PHACTR1: variants seen among roughly 807,000 people sequenced by gnomAD.
PHACTR1 encodes phosphatase and actin regulator 1.
Under a neutral mutation model 69.2 loss-of-function variants are expected in PHACTR1, and 16 were observed. The observed-to-expected ratio is 0.23, with a 90% CI of 0.16 to 0.35. PHACTR1 has a LOEUF of 0.35. Among genes scored for constraint, PHACTR1 ranks in the 10% least tolerant of loss-of-function variants. The pLI, the probability that PHACTR1 is intolerant of heterozygous loss-of-function variation, is 1.00. For missense variants in PHACTR1, 510 were observed against 734.7 expected, an observed-to-expected ratio of 0.69 and a Z score of 3.54; for synonymous variants, 312 against 284.5, an observed-to-expected ratio of 1.10 and a Z score of -0.97.
At chr6:12,771,276 C>A (rs889269340) in intron 4 of PHACTR1, among the ~76,000 whole-genome samples, 12 of 152,006 alleles carry the variant, frequency 7.9e-5, no homozygotes, top group Admixed American at 7.9e-4. Flanking sequence ...AAACAATGAC[C>A]ATGAAGGATT....
intron 4 of PHACTR1, among the ~76,000 whole-genome samples, chr6:13,002,599 A>G (rs1014082481): frequency 9.9e-5 from 15 of 152,160 alleles, no homozygotes; most frequent in Non-Finnish European, 2.2e-4. Flanking sequence ...CTATTGGTTG[A>G]TCATGTGCAA....
intron 8 of PHACTR1, among the ~76,000 whole-genome samples, chr6:13,226,874 A>C (rs1769835623): frequency 6.6e-6 from 1 of 151,836 alleles, no homozygotes; most frequent in South Asian, 2.1e-4. Flanking sequence ...AGTAGCTGAG[A>C]CTACAGGTGC....
At chr6:12,979,677 G>A (rs527909820) in intron 4 of PHACTR1, among the ~76,000 whole-genome samples, 5 of 151,486 alleles carry the variant, frequency 3.3e-5, no homozygotes, top group African/African-American at 9.7e-5. Context: ...GTTTGTATGC[G>A]GAGGACCTCC....
At chr6:12,774,086 G>C (rs1308525712) in intron 4 of PHACTR1, among the ~76,000 whole-genome samples, 1 of 152,170 alleles carries the variant, frequency 6.6e-6, no homozygotes, top group Non-Finnish European at 1.5e-5. Context: ...AGGTCACAGA[G>C]TTAATAAAAT....
At chr6:13,272,494 G>A in intron 10 of PHACTR1, 2 of 344,600 alleles carry the variant, frequency 5.8e-6, no homozygotes, top group South Asian at 6.4e-5. Context: ...GAGGGAGAGA[G>A]AGGCAAGAGG....
intron 5 of PHACTR1, among the ~76,000 whole-genome samples, chr6:13,141,132 C>T (rs1263663735): frequency 6.6e-6 from 1 of 152,142 alleles, no homozygotes; most frequent in African/African-American, 2.4e-5. Flanking sequence ...TTTGCATTTG[C>T]CTTTGAACAC....
At chr6:13,181,250 TA>T (rs1448627442) in intron 6 of PHACTR1, among the ~76,000 whole-genome samples, 1 of 152,204 alleles carries the variant, frequency 6.6e-6, no homozygotes, top group Non-Finnish European at 1.5e-5. Context: ...CAGTGATTTA[TA>T]AAATTAAACT....
At chr6:13,249,751 A>T (rs1464325032) in intron 10 of PHACTR1, among the ~76,000 whole-genome samples, 3 of 145,608 alleles carry the variant, frequency 2.1e-5, no homozygotes, top group South Asian at 4.5e-4. Flanking sequence ...GTGAGCCAAG[A>T]TTGCACCACT....
At chr6:13,227,689 A>C (rs1404791231) in intron 8 of PHACTR1, 127 bp from the exon 9 acceptor site, 2 of 1,253,734 alleles carry the variant, frequency 1.6e-6, no homozygotes, top group South Asian at 2.9e-5. Context: ...TGAGCAATGG[A>C]ACTTTACTTG....
At chr6:12,846,958 C>T (rs1208096516) in intron 4 of PHACTR1, among the ~76,000 whole-genome samples, 1 of 151,302 alleles carries the variant, frequency 6.6e-6, no homozygotes, top group Admixed American at 6.6e-5. Flanking sequence ...CTAGGACACA[C>T]GCCACACACC....
At chr6:12,910,539 GA>G (rs1275080599) in intron 4 of PHACTR1, among the ~76,000 whole-genome samples, 1 of 152,180 alleles carries the variant, frequency 6.6e-6, no homozygotes, top group Non-Finnish European at 1.5e-5. Context: ...TTTACCAAGT[GA>G]AAATAAATAC....
intron 4 of PHACTR1, among the ~76,000 whole-genome samples, chr6:13,024,081 A>G (rs1417561099): frequency 1.7e-5 from 2 of 120,922 alleles, no homozygotes; most frequent in Admixed American, 7.5e-5. Flanking sequence ...TGTCTCAAAG[A>G]AAAAAAAAAA....
At chr6:13,273,845 C>G (rs1233576375) in intron 11 of PHACTR1, 2 of 152,234 alleles carry the variant, frequency 1.3e-5, no homozygotes, top group Non-Finnish European at 1.5e-5. Flanking sequence ...AAGATATATA[C>G]TATGCAGAGT....
chr6:13,204,547 T>C (rs1765644331), intron 7 of PHACTR1, among the ~76,000 whole-genome samples: 2 of 152,168 alleles, frequency 1.3e-5, no homozygotes, highest in South Asian at 4.1e-4. Context: ...CCCTGGGGTC[T>C]AGTCTGACCC....
chr6:12,929,784 T>C (rs763839688), intron 4 of PHACTR1, among the ~76,000 whole-genome samples: 88 of 152,330 alleles, frequency 5.8e-4, no homozygotes, highest in Non-Finnish European at 1.0e-3. Context: ...TTCTAACTGA[T>C]CAGCCTCTAC....
At chr6:13,052,259 G>A (rs952447025) in intron 4 of PHACTR1, among the ~76,000 whole-genome samples, 5 of 152,192 alleles carry the variant, frequency 3.3e-5, no homozygotes, top group African/African-American at 9.6e-5. Flanking sequence ...TGTATTTAAT[G>A]AATGGATCTC....
At chr6:13,163,937 C>T (rs1759412844) in intron 6 of PHACTR1, among the ~76,000 whole-genome samples, 1 of 152,170 alleles carries the variant, frequency 6.6e-6, no homozygotes, top group Admixed American at 6.5e-5. Flanking sequence ...TCATCATCAT[C>T]ATCATTGTCC....
At chr6:13,210,087 G>A (rs11758839) in intron 8 of PHACTR1, among the ~76,000 whole-genome samples, 5,014 of 152,094 alleles carry the variant, frequency 0.033, 261 homozygotes, top group African/African-American at 0.11. Context: ...GTCTCTCTGC[G>A]GTCTCGACCT....
intron 4 of PHACTR1, among the ~76,000 whole-genome samples, chr6:12,973,710 C>T (rs971620055): frequency 7.9e-5 from 12 of 152,082 alleles, no homozygotes; most frequent in African/African-American, 2.4e-4. Flanking sequence ...AATGTCAAGG[C>T]ACCAACAGAA....
Sources: gnomAD v4.1 joint callset for allele counts (sites outside exome capture counted in the v4.1 genomes callset) on GRCh38, gnomAD v4.1.1 for gene constraint, MANE v1.5 for transcripts, NCBI Gene and HGNC (gene_info 2026-07-23, HGNC 2026-07-21) for gene names.